EIF4G3: variants seen among roughly 807,000 people sequenced by gnomAD.
EIF4G3 encodes the protein eukaryotic translation initiation factor 4 gamma 3, also known as eIF-4-gamma 3.
In EIF4G3, 34 loss-of-function variants were observed where a neutral mutation model predicts 186.4. That is an observed-to-expected ratio of 0.18 (90% confidence interval 0.14 to 0.24). The LOEUF (loss-of-function observed/expected upper bound fraction) is 0.24. Among genes scored for constraint, EIF4G3 ranks in the 10% least tolerant of loss-of-function variants. The pLI, the probability that EIF4G3 is intolerant of heterozygous loss-of-function variation, is 1.00. For synonymous variants in EIF4G3, 673 were observed against 679.5 expected (o/e 0.99, Z 0.15); for missense variants, 1,536 against 1,948.5 (o/e 0.79, Z 3.99).
At chr1:21,115,820 G>A (rs1396659124) in intron 2 of EIF4G3, among the ~76,000 whole-genome samples, 1 of 152,100 alleles carries the variant, frequency 6.6e-6, no homozygotes, top group Non-Finnish European at 1.5e-5. Context: ...GGGCTCAAAC[G>A]GTCCTCCTGC....
intron 3 of EIF4G3, among the ~76,000 whole-genome samples, chr1:21,077,030 C>T (rs2095610017): frequency 6.6e-6 from 1 of 152,038 alleles, no homozygotes; most frequent in Non-Finnish European, 1.5e-5. Flanking sequence ...AAAATATATG[C>T]AAACTATACA....
intron 4 of EIF4G3, chr1:21,003,726 T>C: frequency 9.2e-6 from 4 of 433,408 alleles, no homozygotes; most frequent in South Asian, 7.0e-5. Flanking sequence ...CACTCCACAC[T>C]TGTTTAACCT....
chr1:20,938,142 G>A (rs896876102), intron 14 of EIF4G3, among the ~76,000 whole-genome samples: 4 of 151,916 alleles, frequency 2.6e-5, no homozygotes, highest in African/African-American at 7.3e-5. Flanking sequence ...GATTACAGGC[G>A]CATCACCACT....
intron 29 of EIF4G3, among the ~76,000 whole-genome samples, chr1:20,845,506 C>G (rs545908921): frequency 3.3e-5 from 5 of 151,874 alleles, no homozygotes; most frequent in African/African-American, 9.7e-5. Context: ...ACTAAAAGTA[C>G]AAAAAATTAG....
Position 21,118,433 on chromosome 1 carries a change from A to C in EIF4G3, c.-271-29220T>G, listed in dbSNP as rs200337490. 5.9e-5 allele frequency among the ~76,000 whole-genome samples: 9 copies of C among 152,224 alleles called. No individual in the cohort carries two copies. The East Asian group carries it at 1.3e-3, about 23-fold the overall frequency. ...TGTGAAGCTACAGGTAGCATAAAGC[A>C]TCATTTCCTTTCAGGTTCCAAACAA... is the stretch of plus-strand genomic sequence containing the variant. On this transcript the variant is annotated intron_variant, in intron 2 of 36. Transcript: ENST00000602326.
chr1:21,165,494 T>C (rs2097841852), intron 2 of EIF4G3, among the ~76,000 whole-genome samples: 1 of 152,182 alleles, frequency 6.6e-6, no homozygotes, highest in East Asian at 1.9e-4. Context: ...ACATGGAATA[T>C]TACTCAATAA....
At chr1:21,008,243 C>T (rs900287261) in intron 4 of EIF4G3, among the ~76,000 whole-genome samples, 5 of 152,208 alleles carry the variant, frequency 3.3e-5, no homozygotes, top group African/African-American at 9.6e-5. Context: ...AAATCAACAG[C>T]ATTAGCAGAA....
At chr1:21,148,977 TC>T (rs983941381) in intron 2 of EIF4G3, among the ~76,000 whole-genome samples, 1 of 151,826 alleles carries the variant, frequency 6.6e-6, no homozygotes, top group Non-Finnish European at 1.5e-5. Flanking sequence ...ATGCCTGTAA[TC>T]CCAGCAACTG....
At chr1:21,048,363 G>GCT (rs2094013723) in intron 4 of EIF4G3, among the ~76,000 whole-genome samples, 1 of 152,074 alleles carries the variant, frequency 6.6e-6, no homozygotes, top group Non-Finnish European at 1.5e-5. Flanking sequence ...ATGGATCTGA[G>GCT]CTCTATAAAT....
chr1:20,853,465 C>A, intron 27 of EIF4G3, 95 bp downstream of exon 27: 3 of 705,604 alleles, frequency 4.3e-6, no homozygotes, highest in South Asian at 1.8e-5. Flanking sequence ...AGGAATGCAT[C>A]CATAAGGATT....
At chr1:20,888,720 G>T (rs1439942973) in intron 18 of EIF4G3, among the ~76,000 whole-genome samples, 1 of 151,998 alleles carries the variant, frequency 6.6e-6, no homozygotes, top group Non-Finnish European at 1.5e-5. Context: ...CCATGTAAAA[G>T]GACCCTAAAA....
At chr1:21,122,295 A>C (rs1432869097) in intron 2 of EIF4G3, among the ~76,000 whole-genome samples, 1 of 128,784 alleles carries the variant, frequency 7.8e-6, no homozygotes, top group Non-Finnish European at 1.8e-5. Flanking sequence ...CAAGATATGA[A>C]AACTCCTTTA....
At chr1:21,058,954 A>AACAC (rs149102480) in intron 3 of EIF4G3, among the ~76,000 whole-genome samples, 6 of 151,098 alleles carry the variant, frequency 4.0e-5, no homozygotes, top group Non-Finnish European at 5.9e-5. Flanking sequence ...TGTTAAATAT[A>AACAC]ACACACACAC....
At chr1:21,023,282 GGTCTCCCTCTCTTTCCAC>G (rs2091257634) in intron 4 of EIF4G3, among the ~76,000 whole-genome samples, 1 of 57,290 alleles carries the variant, frequency 1.7e-5, no homozygotes, top group Non-Finnish European at 3.2e-5. Flanking sequence ...CTCTCCCCAC[GGTCTCCCTCTCTTTCCAC>G]GTCTCCCTCT....
chr1:20,918,680 T>C (rs1025498709), intron 14 of EIF4G3, among the ~76,000 whole-genome samples: 10 of 151,644 alleles, frequency 6.6e-5, no homozygotes, highest in Non-Finnish European at 1.2e-4. Flanking sequence ...ACGAAAACTT[T>C]TAAATATATC....
At chr1:21,146,435 T>C (rs1320736632) in intron 2 of EIF4G3, among the ~76,000 whole-genome samples, 1 of 152,194 alleles carries the variant, frequency 6.6e-6, no homozygotes, top group Non-Finnish European at 1.5e-5. Context: ...ACTAATGACA[T>C]ACAAATCAGA....
At chr1:21,079,667 C>G (rs1326710539) in intron 3 of EIF4G3, among the ~76,000 whole-genome samples, 1 of 148,084 alleles carries the variant, frequency 6.8e-6, no homozygotes, top group Admixed American at 6.8e-5. Flanking sequence ...CTGGATGACA[C>G]AGTAAGACCC....
chr1:21,027,217 G>C (rs1165491897), intron 4 of EIF4G3, among the ~76,000 whole-genome samples: 2 of 134,450 alleles, frequency 1.5e-5, no homozygotes, highest in Non-Finnish European at 3.1e-5. Flanking sequence ...TTTTGAGACA[G>C]AGTCTCGCTC....
At chr1:21,087,218 T>C (rs751136757) in intron 3 of EIF4G3, among the ~76,000 whole-genome samples, 15 of 152,230 alleles carry the variant, frequency 9.9e-5, no homozygotes, top group Non-Finnish European at 1.9e-4. Context: ...TGAACCGAAA[T>C]ATTTAAAAGA....
Sources: gnomAD v4.1 joint callset for allele counts (sites outside exome capture counted in the v4.1 genomes callset) on GRCh38, gnomAD v4.1.1 for gene constraint, MANE v1.5 for transcripts, NCBI Gene and HGNC (gene_info 2026-07-23, HGNC 2026-07-21) for gene names.